LIPN: variants seen among roughly 807,000 people sequenced by gnomAD.
The protein encoded by LIPN is lipase family member N.
A neutral mutation model predicts 43.7 loss-of-function variants in LIPN; 32 were observed. The ratio of observed to expected loss-of-function variants is 0.73; its 90% confidence interval spans 0.55 to 0.98. The LOEUF is 0.98. LIPN is among the 50% of genes least tolerant of loss of function. The probability of loss-of-function intolerance (pLI) is 0.00; values close to 1 mark genes in which losing one functional copy is unlikely to be tolerated. For synonymous variants in LIPN, 156 were observed against 157.6 expected (o/e 0.99, Z 0.08); for missense variants, 505 against 483.8 (o/e 1.04, Z -0.41).
upstream of LIPN, among the ~76,000 whole-genome samples, chr10:88,757,687 T>A (rs1206916148): frequency 1.3e-5 from 2 of 152,140 alleles, no homozygotes; most frequent in Non-Finnish European, 2.9e-5. Context: ...AAAACAACAC[T>A]GTTTCTTGTA....
upstream of LIPN, among the ~76,000 whole-genome samples, chr10:88,758,754 A>G (rs747240780): frequency 2.6e-5 from 4 of 152,034 alleles, no homozygotes; most frequent in African/African-American, 4.8e-5. Flanking sequence ...TGTCCAGATT[A>G]TTCAAATAAC....
At position 88,768,849 on chromosome 10, in the gene LIPN, C is replaced by A; in HGVS notation, c.593C>A (p.Ala198Asp). Reference sequence around the variant, plus strand: ...GCACAAAGAATCAAAATGAATTTTGCCTTGGGTCCTACGATCTCATTCAAA... The same window carrying A: ...GCACAAAGAATCAAAATGAATTTTGACTTGGGTCCTACGATCTCATTCAAA... Reference protein sequence around the residue: ...ELAQRIKMNFALGPTISFKYP... With the variant: ...ELAQRIKMNFDLGPTISFKYP... The change falls in exon 6 of 10, where the codon GCC (alanine) becomes GAC (aspartate). Residue 198 changes from alanine (A) to aspartate (D), a missense_variant. Transcript: ENST00000404459. The A allele has an allele frequency of 6.2e-7, 1 of 1,611,444 alleles. No homozygotes were observed.
At chr10:88,764,238 T>C (rs1158529708) in intron 3 of LIPN, among the ~76,000 whole-genome samples, 172 bp from the exon 4 acceptor site, 7 of 151,950 alleles carry the variant, frequency 4.6e-5, no homozygotes, top group Non-Finnish European at 8.8e-5. Context: ...CTGATTATAA[T>C]GCTCTATACT....
rs955906181 is a variant in LIPN at position 88,764,355 on chromosome 10, T to C, written c.227-55T>C. ...ATTTAACATAAATTACTCTCACTCT[T>C]TCTCTCTCTCTCTTTCTCTTTCTCC... On this transcript the variant is annotated intron_variant, in intron 3 of 9. Coordinates refer to ENST00000404459, the MANE Select transcript of LIPN (RefSeq NM_001102469.2). The C allele has an allele frequency of 5.4e-5, 72 of 1,334,340 alleles. No individual in the cohort carries two copies. The South Asian group carries it at 5.4e-4, about 10-fold the overall frequency. 82.7% of individuals were successfully genotyped at this position (1,334,340 alleles called of 1,614,324 possible).
intron 9 of LIPN, 144 bp from the exon 10 acceptor site, chr10:88,777,865 A>T: frequency 5.6e-6 from 3 of 533,230 alleles, no homozygotes; most frequent in Middle Eastern, 3.6e-4. Flanking sequence ...AAATTTCTTA[A>T]AGGTAGAGAC....
chr10:88,779,332 G>T lies in LIPN; in HGVS notation c.*1090G>T, dbSNP rs1453199559. Among the ~76,000 whole-genome samples the T allele has an allele frequency of 6.6e-6, 1 of 152,142 alleles. No individual in the cohort carries two copies. Among genetic ancestry groups the T allele is most frequent in the Non-Finnish European group, 1.5e-5 (1 of 68,040 alleles). On this transcript the variant is annotated 3_prime_UTR_variant, in exon 10 of 10. Coordinates refer to ENST00000404459, the MANE Select transcript of LIPN (RefSeq NM_001102469.2). Reference sequence around the variant, plus strand: ...CAGCTCCATAATACTTTCCTGCTCTGCTGGCAAATCCACAAGCTGCTGGCC... The same window carrying T: ...CAGCTCCATAATACTTTCCTGCTCTTCTGGCAAATCCACAAGCTGCTGGCC...
At position 88,762,217 on chromosome 10, in the gene LIPN, C is replaced by T. The variant is rs1227837122; in HGVS notation, c.138C>T (p.Pro46=). 1.9e-6 allele frequency: 3 copies of T among 1,606,542 alleles called. No individual in the cohort carries two copies. The highest frequency in any genetic ancestry group is 2.6e-6 in the Non-Finnish European group (3 of 1,175,532). The change falls in exon 3 of 10, where the codon CCC becomes CCT. Residue 46 remains proline, a synonymous_variant. Transcript: ENST00000404459. ...AAATCATCATCTACAATGGCTACCC[C>T]AGTGAAGAGTATGAAGTCACCACTG... ...TSEIIIYNGY[P]SEEYEVTTED...
At chr10:88,767,116 T>C (rs1843115221) in intron 5 of LIPN, among the ~76,000 whole-genome samples, 1 of 151,952 alleles carries the variant, frequency 6.6e-6, no homozygotes, top group South Asian at 2.1e-4. Flanking sequence ...AGCTTTGAAT[T>C]TGTCATTGAA....
intron 3 of LIPN, 53 bp from the exon 4 acceptor site, chr10:88,764,357 C>T: frequency 8.3e-7 from 1 of 1,208,594 alleles, no homozygotes; most frequent in Non-Finnish European, 1.2e-6. Flanking sequence ...CTCACTCTTT[C>T]TCTCTCTCTC....
rs560063220 is a variant in LIPN, at chr10:88,771,686, T to A, written c.819+695T>A. Among the ~76,000 whole-genome samples, 4 of 151,998 alleles carry A rather than the reference T, an allele frequency of 2.6e-5. No homozygotes were observed. The South Asian group carries it at 8.3e-4, about 31-fold the overall frequency. ...TAGGCTGATTTCATATCTTGGTCAT[T>A]GTGAATAGTGCTGTACTAAACATGG... On this transcript the variant is annotated intron_variant, in intron 7 of 9. Transcript: ENST00000404459.
At position 88,766,158 on chromosome 10, in the gene LIPN, G is replaced by A; in HGVS notation, c.426-111G>A. 6.1e-6 allele frequency: 4 copies of A among 657,840 alleles called. No individual in the cohort carries two copies. In the Admixed American group the frequency reaches 7.7e-5, roughly 13 times the overall value. 40.8% of individuals were successfully genotyped at this position (657,840 alleles called of 1,614,324 possible). ...TTGGATAAATAATGAAATACACATT[G>A]AATCTAAGTAAACAGCATAGAATCT... On this transcript the variant is annotated intron_variant, in intron 4 of 9. Transcript: ENST00000404459.
rs756160618 is a variant in LIPN at position 88,778,507 on chromosome 10, A to C, written c.*265A>C. Among the ~76,000 whole-genome samples, 18 of 152,188 alleles carry C rather than the reference A, an allele frequency of 1.2e-4. 1 individual carries two copies. Among genetic ancestry groups the C allele is most frequent in the Non-Finnish European group, 2.6e-4 (18 of 68,030 alleles). On this transcript the variant is annotated 3_prime_UTR_variant, in exon 10 of 10. Coordinates refer to ENST00000404459, the MANE Select transcript of LIPN (RefSeq NM_001102469.2). ...TCTATCTGGCATTTAAGTCTAATTA[A>C]ATTGTAATTTTTAGGGCATACCATG...
At chr10:88,772,276 G>A (rs1339501347) in intron 7 of LIPN, among the ~76,000 whole-genome samples, 1 of 151,778 alleles carries the variant, frequency 6.6e-6, no homozygotes, top group Non-Finnish European at 1.5e-5. Flanking sequence ...AATCTAATTT[G>A]TTCATGTTTG....
chr10:88,774,707 A>G (rs1564585325), intron 8 of LIPN, among the ~76,000 whole-genome samples, 163 bp downstream of exon 8: 1 of 151,910 alleles, frequency 6.6e-6, no homozygotes, highest in African/African-American at 2.4e-5. Context: ...AATTTAAGAG[A>G]AAGGATGTTA....
At chr10:88,758,083 G>A (rs943820141), upstream of LIPN, among the ~76,000 whole-genome samples, 1 of 152,056 alleles carries the variant, frequency 6.6e-6, no homozygotes, top group East Asian at 1.9e-4. Flanking sequence ...CCTTTGAGGA[G>A]AAAGAAGCAA....
intron 6 of LIPN, chr10:88,769,544 C>G (rs1285503639): frequency 6.6e-6 from 6 of 911,628 alleles, no homozygotes; most frequent in Non-Finnish European, 7.8e-6. Context: ...GCTTTTGTTT[C>G]TCTACAAAGG....
chr10:88,758,045 A>G (rs1178227474), upstream of LIPN, among the ~76,000 whole-genome samples: 1 of 152,110 alleles, frequency 6.6e-6, no homozygotes, highest in East Asian at 1.9e-4. Context: ...ACTTTGAGTT[A>G]TTTTCAAGAG....
rs866708478 is a variant in LIPN, at chr10:88,767,670, A to C, written c.536-1122A>C. On this transcript the variant is annotated intron_variant, in intron 5 of 9. Coordinates refer to ENST00000404459, the MANE Select transcript of LIPN (RefSeq NM_001102469.2). ...AAAAAAAAAAAAAAAAAAAAAAAAA[A>C]AAAAAAAAAAAAAAAAAAAAAACCA... Among the ~76,000 whole-genome samples the C allele has an allele frequency of 8.1e-3, 649 of 79,756 alleles. 15 individuals are homozygous for C. Among genetic ancestry groups the C allele is most frequent in the African/African-American group, 0.024 (590 of 24,512 alleles). The allele number at this position is 79,756 out of a possible 152,430, so 52.3% of individuals were successfully genotyped here. A position where few individuals can be genotyped will look rare whatever the true frequency, so the allele number is the denominator to read the frequency against.
intron 9 of LIPN, among the ~76,000 whole-genome samples, chr10:88,777,783 AT>A (rs1843319028): frequency 1.3e-5 from 2 of 151,838 alleles, no homozygotes; most frequent in African/African-American, 2.4e-5. Context: ...TTTCCATTTT[AT>A]TTTTGGAGTG....
Sources: gnomAD v4.1 joint callset for allele counts (sites outside exome capture counted in the v4.1 genomes callset) on GRCh38, gnomAD v4.1.1 for gene constraint, MANE v1.5 for transcripts, NCBI Gene and HGNC (gene_info 2026-07-23, HGNC 2026-07-21) for gene names.